Variants in ACTR3C observed in about 807,000 individuals in gnomAD.
The protein encoded by ACTR3C is actin-related protein 3C.
Under a neutral mutation model 26.3 loss-of-function variants are expected in ACTR3C, and 18 were observed. That is an observed-to-expected ratio of 0.68 (90% CI 0.47 to 1.01). ACTR3C has a LOEUF of 1.01. ACTR3C is among the 50% of genes least tolerant of loss of function. ACTR3C has a pLI of 0.00. For synonymous variants in ACTR3C, 55 were observed against 94.5 expected (o/e 0.58, Z 2.42); for missense variants, 184 against 250.7 (o/e 0.73, Z 1.80).
At chr7:149,974,490 A>G in the ACTR3C span, among the ~76,000 whole-genome samples, 1 of 152,186 alleles carries the variant, frequency 6.6e-6, no homozygotes, top group Non-Finnish European at 1.5e-5. Flanking sequence ...GTGATTTTTA[A>G]CTGGATCCTC....
At chr7:149,958,710 GC>G in the ACTR3C span, among the ~76,000 whole-genome samples, 1 of 152,200 alleles carries the variant, frequency 6.6e-6, no homozygotes, top group Non-Finnish European at 1.5e-5. Flanking sequence ...GTGTATGTAA[GC>G]TTTTAATGAA....
At chr7:149,945,062 T>C in the ACTR3C span, among the ~76,000 whole-genome samples, 1 of 151,588 alleles carries the variant, frequency 6.6e-6, no homozygotes, top group Non-Finnish European at 1.5e-5. Context: ...AGGGAAATGT[T>C]GTTGTTGCCT....
chr7:150,174,504 A>C, the ACTR3C span, among the ~76,000 whole-genome samples: 3 of 141,202 alleles, frequency 2.1e-5, no homozygotes, highest in African/African-American at 3.1e-5. Flanking sequence ...ACACAGCCAG[A>C]CCATATCAGT....
At chr7:150,205,241 A>G in the ACTR3C span, among the ~76,000 whole-genome samples, 1 of 152,344 alleles carries the variant, frequency 6.6e-6, no homozygotes, top group East Asian at 1.9e-4. Flanking sequence ...ACTTACCCAT[A>G]TAACACAAGT....
At chr7:150,254,174 C>T (rs11976802) in intron 6 of ACTR3C, among the ~76,000 whole-genome samples, 6,666 of 152,116 alleles carry the variant, frequency 0.044, 467 homozygotes, top group African/African-American at 0.15. Context: ...AATGATTTAC[C>T]CCTCTTTAGA....
the ACTR3C span, among the ~76,000 whole-genome samples, chr7:150,049,021 A>G: frequency 6.6e-6 from 1 of 151,638 alleles, no homozygotes; most frequent in Non-Finnish European, 1.5e-5. Context: ...GGCTGCCCGC[A>G]ACTTTTCCAA....
At chr7:150,312,131 C>CA (rs1234055546) in intron 1 of ACTR3C, among the ~76,000 whole-genome samples, 1 of 152,186 alleles carries the variant, frequency 6.6e-6, no homozygotes, top group African/African-American at 2.4e-5. Flanking sequence ...CCAATGCCTC[C>CA]ACACCTGCTA....
At chr7:150,202,558 T>C in the ACTR3C span, among the ~76,000 whole-genome samples, 1 of 152,212 alleles carries the variant, frequency 6.6e-6, no homozygotes, top group Non-Finnish European at 1.5e-5. Flanking sequence ...CACTCTTGTA[T>C]CTTCACTGTC....
the ACTR3C span, among the ~76,000 whole-genome samples, chr7:150,199,679 CAAGAA>C: frequency 3.9e-4 from 14 of 36,206 alleles, no homozygotes; most frequent in African/African-American, 6.7e-4. Flanking sequence ...ATTAATAGTA[CAAGAA>C]AAGTAAAAAA....
chr7:150,246,633 G>A (rs754631594), downstream of ACTR3C: 5 of 152,166 alleles, frequency 3.3e-5, no homozygotes, highest in Non-Finnish European at 5.9e-5. Context: ...ACAAGTAGAT[G>A]AGTAGAACAC....
chr7:150,257,243 G>A (rs1306213748), intron 6 of ACTR3C, among the ~76,000 whole-genome samples: 1 of 152,190 alleles, frequency 6.6e-6, no homozygotes, highest in Admixed American at 6.5e-5. Context: ...GGGTAAGGCT[G>A]GAAGCCAGAG....
chr7:149,920,572 C>G, the ACTR3C span, among the ~76,000 whole-genome samples: 1 of 151,980 alleles, frequency 6.6e-6, no homozygotes, highest in Non-Finnish European at 1.5e-5. Flanking sequence ...CTTGGCCTCC[C>G]AAAGTGCTGG....
chr7:149,986,933 C>T, the ACTR3C span, among the ~76,000 whole-genome samples: 1 of 141,266 alleles, frequency 7.1e-6, no homozygotes, highest in South Asian at 2.5e-4. Context: ...CACCCTGCAC[C>T]CCAATTAGGG....
the ACTR3C span, among the ~76,000 whole-genome samples, chr7:149,999,055 C>T: frequency 6.6e-6 from 1 of 150,536 alleles, no homozygotes; most frequent in Non-Finnish European, 1.5e-5. Context: ...ACAGCTGCCT[C>T]AGCCAGCACT....
chr7:150,112,984 AG>A, the ACTR3C span, among the ~76,000 whole-genome samples: 1 of 152,180 alleles, frequency 6.6e-6, no homozygotes, highest in Non-Finnish European at 1.5e-5. Flanking sequence ...GCTGTGAAGG[AG>A]GATGCCATTT....
At chr7:150,215,128 T>C in the ACTR3C span, among the ~76,000 whole-genome samples, 1 of 151,284 alleles carries the variant, frequency 6.6e-6, no homozygotes, top group Non-Finnish European at 1.5e-5. Context: ...CCTGTCCTTG[T>C]GGTAAAATAA....
At chr7:150,151,063 T>C in the ACTR3C span, among the ~76,000 whole-genome samples, 19,493 of 97,850 alleles carry the variant, frequency 0.2, 3,383 homozygotes, top group East Asian at 0.43. Flanking sequence ...TATATTTTCC[T>C]TCTAATTATT....
At chr7:149,904,895 G>C in the ACTR3C span, among the ~76,000 whole-genome samples, 1 of 151,630 alleles carries the variant, frequency 6.6e-6, no homozygotes, top group African/African-American at 2.4e-5. Context: ...ACGTGGTGGT[G>C]GGCGCCTGTA....
the ACTR3C span, among the ~76,000 whole-genome samples, chr7:150,222,963 T>G: frequency 6.6e-6 from 1 of 152,260 alleles, no homozygotes; most frequent in Non-Finnish European, 1.5e-5. Flanking sequence ...ATCTCCTTTT[T>G]TAAAAAAATT....
Sources: allele counts gnomAD v4.1 joint callset (sites outside exome capture counted in the v4.1 genomes callset), GRCh38; gene constraint gnomAD v4.1.1; transcripts MANE v1.5; gene names NCBI Gene and HGNC (gene_info 2026-07-23, HGNC 2026-07-21).